Variants in CACNA1D observed in about 807,000 individuals in gnomAD.
CACNA1D encodes calcium voltage-gated channel subunit alpha1 D.
CACNA1D carries 55 observed loss-of-function variants against 257.1 expected under a neutral mutation model. That is an observed-to-expected ratio of 0.21 (90% CI 0.17 to 0.27). The LOEUF (loss-of-function observed/expected upper bound fraction) is 0.27, where lower values mean the gene tolerates loss of function less well. CACNA1D is among the 10% of genes least tolerant of loss of function. The pLI is 1.00. For synonymous variants in CACNA1D, 980 were observed against 1,014.9 expected (o/e 0.97, Z 0.65); for missense variants, 1,876 against 2,784.0 (o/e 0.67, Z 7.34).
intron 3 of CACNA1D, among the ~76,000 whole-genome samples, chr3:53,540,127 A>G (rs1056965784): frequency 2.7e-4 from 35 of 128,016 alleles, no homozygotes; most frequent in African/African-American, 6.5e-4. Flanking sequence ...TTGTTTGTTT[A>G]TTTATTTTTG....
chr3:53,691,934 T>TATATA (rs2094533392), intron 8 of CACNA1D, among the ~76,000 whole-genome samples: 1 of 105,660 alleles, frequency 9.5e-6, no homozygotes, highest in Non-Finnish European at 1.9e-5. Flanking sequence ...ATATATATTA[T>TATATA]ATATATATTT....
At position 53,673,845 on chromosome 3, in the gene CACNA1D, C is replaced by T. The variant is rs1021094086; in HGVS notation, c.1220+719C>T. On this transcript the variant is annotated intron_variant, in intron 8 of 47. Coordinates refer to ENST00000350061, the MANE Select transcript of CACNA1D (RefSeq NM_001128840.3). This position sits in a 1 kb window ranked among gnomAD's most constrained non-coding sequence, Gnocchi z 4.1. ...AGCAGTCGGATCCGTGTTGCACCTTCTCCTGCTGCCACGTGTGAGGCAACT... is the reference window on the plus strand; with the variant it reads ...AGCAGTCGGATCCGTGTTGCACCTTTTCCTGCTGCCACGTGTGAGGCAACT... 4.2e-6 allele frequency: 6 copies of T among 1,419,798 alleles called. No homozygotes were observed. The highest frequency in any genetic ancestry group is 6.0e-6 in the Non-Finnish European group (6 of 1,002,742). The allele number at this position is 1,419,798 out of a possible 1,614,324, so 88.0% of individuals were successfully genotyped here.
intron 39 of CACNA1D, chr3:53,786,297 A>G (rs933700929): frequency 3.1e-5 from 5 of 162,642 alleles, no homozygotes; most frequent in Non-Finnish European, 6.7e-5. Context: ...CGGGGAGCTC[A>G]TGAAAATCTG....
At chr3:53,516,717 C>T (rs1428041715) in intron 3 of CACNA1D, among the ~76,000 whole-genome samples, 4 of 152,168 alleles carry the variant, frequency 2.6e-5, no homozygotes, top group Middle Eastern at 3.2e-3. Context: ...TGTCTTGGGG[C>T]CTGCACCTTT....
intron 3 of CACNA1D, among the ~76,000 whole-genome samples, chr3:53,627,366 G>A (rs2093770961): frequency 1.3e-5 from 2 of 152,216 alleles, no homozygotes; most frequent in African/African-American, 4.8e-5. Context: ...AGGTAGCATG[G>A]CGACTGTCCT....
At chr3:53,717,771 T>C (rs1419399504) in intron 9 of CACNA1D, among the ~76,000 whole-genome samples, 6 of 152,138 alleles carry the variant, frequency 3.9e-5, no homozygotes, top group Non-Finnish European at 5.9e-5. Flanking sequence ...AGCAAAAAAA[T>C]AGAGTTCTTA....
Position 53,623,197 on chromosome 3 carries a change from C to A in CACNA1D, c.484-27582C>A, listed in dbSNP as rs559753826. 1.1e-3 allele frequency among the ~76,000 whole-genome samples: 168 copies of A among 152,288 alleles called. 2 individuals carry two copies. The highest frequency in any genetic ancestry group is 6.8e-3 in the Middle Eastern group (2 of 294). On this transcript the variant is annotated intron_variant, in intron 3 of 47. Coordinates refer to ENST00000350061, the MANE Select transcript of CACNA1D (RefSeq NM_001128840.3). ...GCCACCGCGCCCGGCCGAAAGAAGC[C>A]TTAAAAGAGAAAGCGCGGTGTATCA... is the stretch of plus-strand genomic sequence containing the variant.
chr3:53,716,524 GT>G (rs367796427), intron 9 of CACNA1D, among the ~76,000 whole-genome samples: 96 of 146,934 alleles, frequency 6.5e-4, no homozygotes, highest in African/African-American at 1.6e-3. Flanking sequence ...TGTTAATGGA[GT>G]TTTTTTTTTT....
intron 2 of CACNA1D, among the ~76,000 whole-genome samples, chr3:53,498,514 C>T (rs1280929805): frequency 1.3e-5 from 2 of 152,104 alleles, no homozygotes; most frequent in African/African-American, 4.8e-5. Flanking sequence ...ATTTCCTTTC[C>T]CCAGAAGTGT....
chr3:53,510,557 G>A (rs768029494), intron 3 of CACNA1D, among the ~76,000 whole-genome samples: 1 of 152,132 alleles, frequency 6.6e-6, no homozygotes, highest in African/African-American at 2.4e-5. Context: ...GCAAGAAAAC[G>A]TTTGTCTGGG....
At chr3:53,557,503 AG>A (rs201076558) in intron 3 of CACNA1D, among the ~76,000 whole-genome samples, 2,591 of 151,396 alleles carry the variant, frequency 0.017, 75 homozygotes, top group African/African-American at 0.059. Context: ...TCAAAAAAAA[AG>A]AAAAAAAGAA....
rs181166727 is a variant in CACNA1D at position 53,691,856 on chromosome 3, A to T, written c.1221-10785A>T. Among the ~76,000 whole-genome samples the T allele has an allele frequency of 2.2e-3, 241 of 108,022 alleles. 1 individual carries two copies. Among genetic ancestry groups the T allele is most frequent in the Middle Eastern group, 0.012 (3 of 254 alleles). The allele number at this position is 108,022 out of a possible 152,430, so 70.9% of individuals were successfully genotyped here. A position where few individuals can be genotyped will look rare whatever the true frequency, so the allele number is the denominator to read the frequency against. ...ATATATATTACATATATAATATATAATATATATTATATATATTACATATAA... is the reference window on the plus strand; with the variant it reads ...ATATATATTACATATATAATATATATTATATATTATATATATTACATATAA... On this transcript the variant is annotated intron_variant, in intron 8 of 47. Transcript: ENST00000350061.
At position 53,800,402 on chromosome 3, in the gene CACNA1D, G is replaced by A; in HGVS notation, c.5040+37G>A. On this transcript the variant is annotated intron_variant, in intron 41 of 47. Coordinates refer to ENST00000350061, the MANE Select transcript of CACNA1D (RefSeq NM_001128840.3). This position sits in a 1 kb window ranked among gnomAD's most constrained non-coding sequence, Gnocchi z 4.3. ...ACGCCTAGCTACACACTGGCCATCT[G>A]GAAATAGCAGGGCAGGACTCCAGTT... The A allele has an allele frequency of 1.5e-6, 2 of 1,327,520 alleles. No individual in the cohort carries two copies. Among genetic ancestry groups the A allele is most frequent in the South Asian group, 1.2e-5 (1 of 85,324 alleles). 82.2% of individuals were successfully genotyped at this position (1,327,520 alleles called of 1,614,324 possible).
intron 8 of CACNA1D, among the ~76,000 whole-genome samples, chr3:53,696,768 G>C (rs973987834): frequency 2.0e-5 from 3 of 152,136 alleles, no homozygotes; most frequent in African/African-American, 7.2e-5. Flanking sequence ...AGTGTGGCCA[G>C]AGTATAAGGT....
intron 3 of CACNA1D, among the ~76,000 whole-genome samples, chr3:53,624,843 G>A (rs890498305): frequency 6.6e-6 from 1 of 152,198 alleles, no homozygotes; most frequent in Non-Finnish European, 1.5e-5. Context: ...GGGGCAAACA[G>A]CGATGGATAC....
chr3:53,598,391 C>T (rs193195396), intron 3 of CACNA1D, among the ~76,000 whole-genome samples: 27 of 150,896 alleles, frequency 1.8e-4, no homozygotes, highest in African/African-American at 5.6e-4. Context: ...GCCTAACCAA[C>T]ATGGCACAAC....
chr3:53,510,471 T>G (rs1378273757), intron 3 of CACNA1D, among the ~76,000 whole-genome samples: 1 of 152,194 alleles, frequency 6.6e-6, no homozygotes, highest in Non-Finnish European at 1.5e-5. Flanking sequence ...GTGATGAACA[T>G]TTAGGGTAAT....
At chr3:53,761,234 GGA>G (rs2095299815) in intron 29 of CACNA1D, among the ~76,000 whole-genome samples, 2 of 152,176 alleles carry the variant, frequency 1.3e-5, no homozygotes, top group African/African-American at 4.8e-5. Flanking sequence ...GATGGAAGAA[GGA>G]GCCTATTGGC....
At chr3:53,724,991 G>A (rs1403054594) in intron 14 of CACNA1D, among the ~76,000 whole-genome samples, 1 of 127,810 alleles carries the variant, frequency 7.8e-6, no homozygotes, top group East Asian at 2.6e-4. Context: ...ATTTCTTTCA[G>A]AGAAACTGGT....
Sources: allele counts gnomAD v4.1 joint callset (sites outside exome capture counted in the v4.1 genomes callset), GRCh38; gene constraint gnomAD v4.1.1; non-coding constraint Gnocchi (gnomAD v3.1); transcripts MANE v1.5; gene names NCBI Gene and HGNC (gene_info 2026-07-23, HGNC 2026-07-21).